MYB: variants seen among roughly 807,000 people sequenced by gnomAD.
MYB encodes MYB proto-oncogene, transcription factor.
A neutral mutation model predicts 92.9 loss-of-function variants in MYB; 28 were observed. The observed-to-expected ratio is 0.30, with a 90% CI of 0.22 to 0.41. The LOEUF is 0.41. MYB is among the 10% of genes least tolerant of loss of function. The pLI, the probability that MYB is intolerant of heterozygous loss-of-function variation, is 1.00. For synonymous variants in MYB, 295 were observed against 329.1 expected (o/e 0.90, Z 1.12); for missense variants, 679 against 929.3 (o/e 0.73, Z 3.50).
At chr6:135,201,152 TG>T (rs1778031480) in intron 13 of MYB, among the ~76,000 whole-genome samples, 1 of 152,228 alleles carries the variant, frequency 6.6e-6, no homozygotes, top group African/African-American at 2.4e-5. Context: ...TGGCAACAGC[TG>T]TTTTCCACCA....
At chr6:135,204,624 A>G (rs185103355) in intron 15 of MYB, among the ~76,000 whole-genome samples, 1 of 152,338 alleles carries the variant, frequency 6.6e-6, no homozygotes, top group East Asian at 1.9e-4. Context: ...TTATTGTAAA[A>G]TAAGGATTGC....
intron 13 of MYB, among the ~76,000 whole-genome samples, chr6:135,201,364 A>C (rs1201963996): frequency 6.6e-6 from 1 of 152,234 alleles, no homozygotes; most frequent in Non-Finnish European, 1.5e-5. Flanking sequence ...GTATCATTAA[A>C]ATATATTCTT....
chr6:135,205,376 T>C (rs776582434), intron 15 of MYB, among the ~76,000 whole-genome samples: 6 of 152,186 alleles, frequency 3.9e-5, no homozygotes, highest in Non-Finnish European at 8.8e-5. Flanking sequence ...CCAACTTGTA[T>C]TTGTAGTAGT....
Position 135,192,524 on chromosome 6 carries a change from A to T in MYB, c.728A>T (p.Asp243Val). 1 of 1,614,248 alleles carries T rather than the reference A, an allele frequency of 6.2e-7. No individual in the cohort carries two copies. The highest frequency in any genetic ancestry group is 1.1e-5 in the South Asian group (1 of 91,086). ...PATGQPTVNN[D>V]YSYYHISEAQ... Reference sequence around the variant, plus strand: ...ACTGGCCAGCCCACTGTTAACAACGACTATTCCTATTACCACATTTCTGAA... The same window carrying T: ...ACTGGCCAGCCCACTGTTAACAACGTCTATTCCTATTACCACATTTCTGAA... The change falls in exon 6 of 16, where the codon GAC becomes GTC. Residue 243 changes from aspartate to valine, a missense_variant. Asp to Val is a radical substitution (Grantham distance 152). Coordinates refer to ENST00000341911, the MANE Select transcript of MYB (RefSeq NM_001130173.2).
chr6:135,193,556 GT>G (rs1291905957), intron 6 of MYB, among the ~76,000 whole-genome samples: 1 of 151,562 alleles, frequency 6.6e-6, no homozygotes, highest in African/African-American at 2.4e-5. Context: ...ATTTTTTATT[GT>G]TTTTTTCATT....
intron 15 of MYB, chr6:135,203,803 A>G (rs374747357): frequency 1.6e-6 from 2 of 1,290,146 alleles, no homozygotes; most frequent in East Asian, 1.1e-4. Context: ...TGACTGTCAG[A>G]ATAAGAAAGT....
At chr6:135,200,525 G>T in intron 13 of MYB, 110 bp downstream of exon 13, 1 of 1,502,916 alleles carries the variant, frequency 6.7e-7, no homozygotes, top group Non-Finnish European at 9.2e-7. Context: ...ACGACTTTTC[G>T]TGCAAGATTT....
At chr6:135,208,080 A>ATTT (rs1779209019) in intron 15 of MYB, among the ~76,000 whole-genome samples, 2 of 111,208 alleles carry the variant, frequency 1.8e-5, no homozygotes, top group African/African-American at 8.4e-5. Flanking sequence ...TTTTTTTTTT[A>ATTT]ATTTTTTTTT....
At chr6:135,196,649 C>A in intron 9 of MYB, 2 of 929,472 alleles carry the variant, frequency 2.2e-6, no homozygotes, top group Non-Finnish European at 3.1e-6. Flanking sequence ...TTATTGCACA[C>A]TCATTGGTTA....
intron 8 of MYB, 63 bp downstream of exon 8, chr6:135,194,523 CT>C (rs1777028207): frequency 8.9e-7 from 1 of 1,117,950 alleles, no homozygotes; most frequent in Non-Finnish European, 1.3e-6. Context: ...TACCTAAGCG[CT>C]CTTCTCTTCT....
At chr6:135,188,175 G>C (rs1776170689) in intron 3 of MYB, among the ~76,000 whole-genome samples, 1 of 152,124 alleles carries the variant, frequency 6.6e-6, no homozygotes, top group South Asian at 2.1e-4. Context: ...AGGATAATTA[G>C]TATTTTGATG....
At chr6:135,212,335 T>G (rs1779860426) in intron 15 of MYB, among the ~76,000 whole-genome samples, 1 of 145,068 alleles carries the variant, frequency 6.9e-6, no homozygotes, top group South Asian at 2.3e-4. Flanking sequence ...CAGCAGATAC[T>G]GGGTGAAGTT....
At chr6:135,199,944 C>T (rs67400568) in intron 11 of MYB, 141 bp from the exon 12 acceptor site, 32,232 of 655,392 alleles carry the variant, frequency 0.049, 952 homozygotes, top group Non-Finnish European at 0.062. Context: ...TAACGAATAA[C>T]GTGATTAATC....
At chr6:135,211,159 GAC>G (rs976690977) in intron 15 of MYB, among the ~76,000 whole-genome samples, 2 of 149,276 alleles carry the variant, frequency 1.3e-5, no homozygotes, top group African/African-American at 5.0e-5. Flanking sequence ...GTCTGCACAC[GAC>G]AGAGATCTTT....
intron 9 of MYB, chr6:135,196,710 T>A: frequency 6.8e-7 from 1 of 1,464,646 alleles, no homozygotes; most frequent in African/African-American, 1.4e-5. Flanking sequence ...TTCATTTTGC[T>A]TTCCATTGCA....
At position 135,199,010 on chromosome 6, in the gene MYB, C is replaced by T. The variant is rs1452740695; in HGVS notation, c.1669C>T (p.His557Tyr). ...CAAATTGACTGTTACAACACCATTT[C>T]ATAGAGACCAGACTGTGAAAACTCA... is the stretch of plus-strand genomic sequence containing the variant. ...GHKLTVTTPF[H>Y]RDQTVKTQKE... is the part of the protein sequence containing the mutation. Residue 557 changes from histidine to tyrosine, a missense_variant, in exon 11 of 16, where the codon CAT becomes TAT. By Grantham distance (83) the His-to-Tyr change is moderately conservative (BLOSUM62 2). Around this residue, in one of 8 missense-constraint regions of MYB, gnomAD observed 402 missense variants for 434.2 expected, o/e 0.93. Transcript: ENST00000341911. 2 of 1,611,602 alleles carry T rather than the reference C, an allele frequency of 1.2e-6. No individual in the cohort carries two copies. Among genetic ancestry groups the T allele is most frequent in the Non-Finnish European group, 8.5e-7 (1 of 1,178,484 alleles).
chr6:135,206,228 T>TAAA (rs922661396), intron 15 of MYB, among the ~76,000 whole-genome samples: 1 of 101,816 alleles, frequency 9.8e-6, no homozygotes, highest in African/African-American at 3.5e-5. Context: ...AAAAAAAAAA[T>TAAA]AATAATAATA....
At chr6:135,183,413 T>C (rs1025689009) in intron 1 of MYB, among the ~76,000 whole-genome samples, 1 of 152,188 alleles carries the variant, frequency 6.6e-6, no homozygotes, top group African/African-American at 2.4e-5. Flanking sequence ...CTTTGCACGG[T>C]TTGTTTCCTT....
intron 15 of MYB, among the ~76,000 whole-genome samples, chr6:135,206,228 T>TAAC (rs922661396): frequency 9.8e-6 from 1 of 101,816 alleles, no homozygotes; most frequent in African/African-American, 3.5e-5. Flanking sequence ...AAAAAAAAAA[T>TAAC]AATAATAATA....
Sources: allele counts gnomAD v4.1 joint callset (sites outside exome capture counted in the v4.1 genomes callset), GRCh38; gene constraint gnomAD v4.1.1; regional missense constraint gnomAD v4.1.1; transcripts MANE v1.5; gene names NCBI Gene and HGNC (gene_info 2026-07-23, HGNC 2026-07-21).